PTPRN2: variants seen among roughly 807,000 people sequenced by gnomAD.
The protein encoded by PTPRN2 is receptor-type tyrosine-protein phosphatase N2.
A neutral mutation model predicts 118.8 loss-of-function variants in PTPRN2; 74 were observed. That is an observed-to-expected ratio of 0.62 (90% CI 0.52 to 0.76). PTPRN2 has a LOEUF of 0.76. Among genes scored for constraint, PTPRN2 ranks in the 30% least tolerant of loss-of-function variants. The probability of loss-of-function intolerance (pLI) is 0.00; values close to 1 mark genes in which losing one functional copy is unlikely to be tolerated. For synonymous variants in PTPRN2, 641 were observed against 608.0 expected (o/e 1.05, Z -0.80); for missense variants, 1,481 against 1,394.4 (o/e 1.06, Z -0.99).
intron 2 of PTPRN2, among the ~76,000 whole-genome samples, chr7:158,414,894 G>T (rs1391731492): frequency 6.6e-6 from 1 of 152,244 alleles, no homozygotes; most frequent in South Asian, 2.1e-4. Flanking sequence ...AGGGGCGGGG[G>T]AAGGTACCTC....
intron 3 of PTPRN2, among the ~76,000 whole-genome samples, chr7:158,314,007 G>T (rs1320380626): frequency 6.6e-6 from 1 of 151,554 alleles, no homozygotes; most frequent in Non-Finnish European, 1.5e-5. Flanking sequence ...GCCCACCCAG[G>T]CAGGGCCCCG....
At chr7:158,447,835 C>T (rs1342009740) in intron 2 of PTPRN2, among the ~76,000 whole-genome samples, 1 of 152,232 alleles carries the variant, frequency 6.6e-6, no homozygotes, top group Non-Finnish European at 1.5e-5. Context: ...GTGCTGAAGC[C>T]CCTGCTGCCA....
chr7:158,034,536 C>T (rs1002285558), intron 11 of PTPRN2, among the ~76,000 whole-genome samples: 6 of 152,212 alleles, frequency 3.9e-5, no homozygotes, highest in African/African-American at 9.7e-5. Flanking sequence ...TCCTCCTTGC[C>T]TTCCACCATG....
At chr7:157,553,031 C>T (rs536256861) in intron 21 of PTPRN2, among the ~76,000 whole-genome samples, 12 of 152,200 alleles carry the variant, frequency 7.9e-5, no homozygotes, top group Non-Finnish European at 1.3e-4. Context: ...CTTCCAGGCA[C>T]GAGGACAGCA....
chr7:157,629,304 G>C lies in PTPRN2; in HGVS notation c.2197-7795C>G, dbSNP rs919647382. Among the ~76,000 whole-genome samples the C allele has an allele frequency of 4.6e-5, 7 of 152,122 alleles. No homozygotes were observed. Among genetic ancestry groups the C allele is most frequent in the African/African-American group, 1.7e-4 (7 of 41,408 alleles). On this transcript the variant is annotated intron_variant, in intron 14 of 22. Coordinates refer to ENST00000389418, the MANE Select transcript of PTPRN2 (RefSeq NM_002847.5). This position sits in a 1 kb window ranked among gnomAD's most constrained non-coding sequence, Gnocchi z 4.4. ...GCTGGAGCAGGTCAGTGCTATTTCA[G>C]CTCCATTCAGAGTCACAGAAATTAG...
intron 2 of PTPRN2, among the ~76,000 whole-genome samples, chr7:158,392,931 C>G (rs1362577915): frequency 6.6e-6 from 1 of 152,196 alleles, no homozygotes; most frequent in Non-Finnish European, 1.5e-5. Context: ...GAGAACTCCT[C>G]GAGCACGCCT....
chr7:158,260,912 C>A (rs930343127), intron 3 of PTPRN2, among the ~76,000 whole-genome samples: 2 of 152,126 alleles, frequency 1.3e-5, no homozygotes, highest in African/African-American at 2.4e-5. Context: ...CTCCTAATGT[C>A]TCAGGAGAGA....
At chr7:157,913,224 C>T (rs1798196816) in intron 11 of PTPRN2, among the ~76,000 whole-genome samples, 1 of 151,860 alleles carries the variant, frequency 6.6e-6, no homozygotes, top group Non-Finnish European at 1.5e-5. Flanking sequence ...AACTTTTTTT[C>T]CTAAATATAC....
At chr7:158,150,318 G>C (rs373371927) in intron 6 of PTPRN2, among the ~76,000 whole-genome samples, 1 of 152,228 alleles carries the variant, frequency 6.6e-6, no homozygotes, top group African/African-American at 2.4e-5. Flanking sequence ...AGAACATTCA[G>C]CTGACAAGCA....
chr7:157,999,322 A>G (rs1165846994), intron 11 of PTPRN2, among the ~76,000 whole-genome samples: 3 of 152,106 alleles, frequency 2.0e-5, no homozygotes, highest in African/African-American at 7.2e-5. Context: ...TTCACAACTC[A>G]GCTCCCAATG....
chr7:158,399,280 A>G (rs1812765397), intron 2 of PTPRN2, among the ~76,000 whole-genome samples: 1 of 152,254 alleles, frequency 6.6e-6, no homozygotes, highest in South Asian at 2.1e-4. Context: ...GTGTCAGTAT[A>G]GGAGACCCTG....
chr7:157,879,575 G>A (rs1257315168), intron 12 of PTPRN2, among the ~76,000 whole-genome samples: 2 of 152,136 alleles, frequency 1.3e-5, no homozygotes, highest in African/African-American at 2.4e-5. Flanking sequence ...GGAGTTAACC[G>A]GCATGAAATC....
rs1828192788 is a variant in PTPRN2 at position 158,574,001 on chromosome 7, A to G, written c.112+13557T>C. ...GAATCGTGGATTGTTAATAAGACAA[A>G]TACAAGAAAATCTGTACTTCCAATG... On this transcript the variant is annotated intron_variant, in intron 1 of 22. Transcript: ENST00000389418. This position sits in a 1 kb window ranked among gnomAD's most constrained non-coding sequence, Gnocchi z 4.6. 6.6e-6 allele frequency among the ~76,000 whole-genome samples: 1 copy of G among 152,248 alleles called. No individual in the cohort carries two copies. The highest frequency in any genetic ancestry group is 1.5e-5 in the Non-Finnish European group (1 of 68,050).
chr7:157,657,549 CCA>C (rs1215471567), intron 13 of PTPRN2, among the ~76,000 whole-genome samples: 2 of 93,254 alleles, frequency 2.1e-5, no homozygotes, highest in South Asian at 4.5e-4. Flanking sequence ...TACACACACA[CCA>C]CACACACACC....
At chr7:158,263,198 G>A (rs936095076) in intron 3 of PTPRN2, among the ~76,000 whole-genome samples, 3 of 151,898 alleles carry the variant, frequency 2.0e-5, no homozygotes, top group Non-Finnish European at 4.4e-5. Flanking sequence ...CACACACACT[G>A]CACATGCGGT....
At chr7:158,343,374 T>C (rs1807216876) in intron 2 of PTPRN2, among the ~76,000 whole-genome samples, 1 of 152,164 alleles carries the variant, frequency 6.6e-6, no homozygotes, top group Non-Finnish European at 1.5e-5. Context: ...GCAGGACATC[T>C]GCTATCAAAA....
intron 11 of PTPRN2, among the ~76,000 whole-genome samples, chr7:158,068,136 G>T (rs1044983072): frequency 2.0e-5 from 3 of 152,232 alleles, no homozygotes; most frequent in Admixed American, 6.5e-5. Context: ...CCCAGGGGAA[G>T]AACGGCCCAT....
intron 2 of PTPRN2, among the ~76,000 whole-genome samples, chr7:158,417,921 C>T (rs1405918382): frequency 3.7e-5 from 4 of 108,802 alleles, no homozygotes; most frequent in Admixed American, 1.0e-4. Context: ...TCTAGCTCTC[C>T]GTGTCCCACT....
At chr7:157,918,651 G>A (rs1231382350) in intron 11 of PTPRN2, among the ~76,000 whole-genome samples, 8 of 152,164 alleles carry the variant, frequency 5.3e-5, no homozygotes, top group South Asian at 2.1e-4. Context: ...GCGTCATGGC[G>A]TCGACACCAA....
Sources: gnomAD v4.1 joint callset for allele counts (sites outside exome capture counted in the v4.1 genomes callset) on GRCh38, gnomAD v4.1.1 for gene constraint, Gnocchi (gnomAD v3.1) non-coding constraint, MANE v1.5 for transcripts, NCBI Gene and HGNC (gene_info 2026-07-23, HGNC 2026-07-21) for gene names.